Variants in TFDP2 observed in about 807,000 individuals in gnomAD.
TFDP2 encodes the protein transcription factor Dp-2, also known as transcription factor Dp-2 (E2F dimerization partner 2).
A neutral mutation model predicts 59.3 loss-of-function variants in TFDP2; 17 were observed. The ratio of observed to expected loss-of-function variants is 0.29; its 90% confidence interval spans 0.20 to 0.43. The LOEUF is 0.43. TFDP2 is among the 20% of genes least tolerant of loss of function. The probability of loss-of-function intolerance (pLI) is 1.00; values close to 1 mark genes in which losing one functional copy is unlikely to be tolerated. For missense variants in TFDP2, 391 were observed against 528.8 expected (o/e 0.74, Z 2.56); for synonymous variants, 180 against 194.7 (o/e 0.92, Z 0.63).
chr3:142,048,596 C>T (rs965891733), intron 3 of TFDP2, among the ~76,000 whole-genome samples: 25 of 152,182 alleles, frequency 1.6e-4, no homozygotes, highest in Non-Finnish European at 2.6e-4. Context: ...TATAGGGTCT[C>T]GCTCTTTTGC....
At position 142,053,482 on chromosome 3, in the gene TFDP2, C is replaced by T. The variant is rs551924380; in HGVS notation, c.82+39579G>A. Among the ~76,000 whole-genome samples, 3 of 152,328 alleles carry T rather than the reference C, an allele frequency of 2.0e-5. No homozygotes were observed. In the South Asian group the frequency reaches 6.2e-4, roughly 32 times the overall value. On this transcript the variant is annotated intron_variant, in intron 3 of 12. Transcript: ENST00000489671. ...AGATGCTGGCACCATGCTTCCTGTA[C>T]AGCCTGCAGAACCATGAGCCAAAAT...
chr3:142,060,486 C>A (rs931994780), intron 3 of TFDP2, among the ~76,000 whole-genome samples: 1 of 152,212 alleles, frequency 6.6e-6, no homozygotes, highest in African/African-American at 2.4e-5. Context: ...TCCTGTGAGA[C>A]AGGCACTATG....
At chr3:141,991,316 G>T (rs547170672) in intron 6 of TFDP2, among the ~76,000 whole-genome samples, 1 of 152,178 alleles carries the variant, frequency 6.6e-6, no homozygotes, top group African/African-American at 2.4e-5. Context: ...TGCAATAAAT[G>T]TATTTCATTT....
chr3:141,999,345 GTGT>G (rs891432359), intron 4 of TFDP2, among the ~76,000 whole-genome samples: 1 of 152,102 alleles, frequency 6.6e-6, no homozygotes, highest in African/African-American at 2.4e-5. Flanking sequence ...AACATAAAAT[GTGT>G]TATTTGATTA....
intron 1 of TFDP2, among the ~76,000 whole-genome samples, chr3:142,134,579 T>C (rs900158039): frequency 5.3e-5 from 8 of 152,100 alleles, no homozygotes; most frequent in Non-Finnish European, 8.8e-5. Context: ...CTTGCATTAA[T>C]TAAGATGATT....
At chr3:142,026,838 T>A (rs1284984056) in intron 3 of TFDP2, among the ~76,000 whole-genome samples, 1 of 152,228 alleles carries the variant, frequency 6.6e-6, no homozygotes, top group African/African-American at 2.4e-5. Context: ...CAGATAAACA[T>A]TCTCCTCTTT....
chr3:142,096,219 T>C (rs964514405), intron 2 of TFDP2, among the ~76,000 whole-genome samples: 3 of 152,194 alleles, frequency 2.0e-5, no homozygotes, highest in African/African-American at 7.2e-5. Context: ...TGTTTGTATT[T>C]AAAGCTTATA....
intron 4 of TFDP2, among the ~76,000 whole-genome samples, chr3:142,002,534 A>AT (rs1294589966): frequency 2.0e-5 from 3 of 152,058 alleles, no homozygotes; most frequent in Non-Finnish European, 4.4e-5. Context: ...CTGATACCTC[A>AT]TTATAATGGC....
chr3:141,973,289 T>G (rs1300293291), intron 8 of TFDP2, among the ~76,000 whole-genome samples: 2 of 151,710 alleles, frequency 1.3e-5, no homozygotes, highest in East Asian at 3.9e-4. Context: ...AATTTTTGTA[T>G]TTTTAGTAGA....
At chr3:142,061,889 T>TAC (rs71153939) in intron 3 of TFDP2, among the ~76,000 whole-genome samples, 125 of 79,956 alleles carry the variant, frequency 1.6e-3, no homozygotes, top group East Asian at 3.5e-3. Flanking sequence ...TCTCTCTCTC[T>TAC]ACACACACAC....
intron 4 of TFDP2, chr3:142,000,249 C>T: frequency 1.4e-6 from 1 of 701,876 alleles, no homozygotes. Flanking sequence ...ATTTATTGCT[C>T]ACTGTTCTGG....
chr3:142,060,001 T>C lies in TFDP2; in HGVS notation c.82+33060A>G, dbSNP rs370601044. Among the ~76,000 whole-genome samples, 7 of 152,342 alleles carry C rather than the reference T, an allele frequency of 4.6e-5. No individual in the cohort carries two copies. In the East Asian group the frequency reaches 9.6e-4, roughly 21 times the overall value. On this transcript the variant is annotated intron_variant, in intron 3 of 12. Coordinates refer to ENST00000489671, the MANE Select transcript of TFDP2 (RefSeq NM_001178139.2). ...AATATATATTATAGAATTTATCTCA[T>C]GGATACATCTTAAATAATATAAAGA...
intron 1 of TFDP2, among the ~76,000 whole-genome samples, chr3:142,127,377 G>T (rs1434612035): frequency 2.7e-5 from 4 of 148,846 alleles, no homozygotes; most frequent in African/African-American, 9.9e-5. Context: ...CAAGATCTCG[G>T]TTTACTGCAA....
At chr3:141,960,766 G>T (rs1237956111) in intron 10 of TFDP2, among the ~76,000 whole-genome samples, 2 of 152,124 alleles carry the variant, frequency 1.3e-5, no homozygotes, top group African/African-American at 4.8e-5. Context: ...AAAATCTGAA[G>T]TGGGTGCCTG....
chr3:142,050,162 G>A (rs1258029238), intron 3 of TFDP2, among the ~76,000 whole-genome samples: 1 of 151,650 alleles, frequency 6.6e-6, no homozygotes, highest in Non-Finnish European at 1.5e-5. Context: ...AGCTACTCGG[G>A]AGGCTGAGGC....
chr3:142,017,404 TAG>T (rs1945211768), intron 3 of TFDP2, among the ~76,000 whole-genome samples: 1 of 152,132 alleles, frequency 6.6e-6, no homozygotes. Flanking sequence ...TTCATAAAAC[TAG>T]AGTGTACAGT....
At chr3:142,055,674 A>G (rs2059715362) in intron 3 of TFDP2, among the ~76,000 whole-genome samples, 1 of 152,162 alleles carries the variant, frequency 6.6e-6, no homozygotes, top group Non-Finnish European at 1.5e-5. Context: ...AGCTAGTACA[A>G]TCCTAGAAAA....
chr3:142,058,741 C>T (rs1560097731), intron 3 of TFDP2, among the ~76,000 whole-genome samples: 2 of 152,164 alleles, frequency 1.3e-5, no homozygotes, highest in African/African-American at 4.8e-5. Context: ...CACCTCCAAG[C>T]ACGCCACCCT....
chr3:142,012,323 A>T (rs1215614661), intron 3 of TFDP2, among the ~76,000 whole-genome samples: 1 of 152,066 alleles, frequency 6.6e-6, no homozygotes, highest in Admixed American at 6.6e-5. Flanking sequence ...ATAATTCTAC[A>T]CATTTTAAAG....
Sources: gnomAD v4.1 joint callset for allele counts (sites outside exome capture counted in the v4.1 genomes callset) on GRCh38, gnomAD v4.1.1 for gene constraint, MANE v1.5 for transcripts, NCBI Gene and HGNC (gene_info 2026-07-23, HGNC 2026-07-21) for gene names.